Variants in NBEA observed in about 807,000 individuals in gnomAD.
NBEA encodes the protein lysosomal-trafficking regulator 2.
In NBEA, 44 loss-of-function variants were observed where a neutral mutation model predicts 343.4. The ratio of observed to expected loss-of-function variants is 0.13; its 90% CI spans 0.10 to 0.16. The LOEUF is 0.16. NBEA is among the 10% of genes least tolerant of loss of function. The pLI is 1.00. For missense variants in NBEA, 2,555 were observed against 3,631.3 expected (o/e 0.70, Z 7.62); for synonymous variants, 1,175 against 1,238.7 (o/e 0.95, Z 1.08).
chr13:35,175,006 T>C (rs1471184397), intron 27 of NBEA, among the ~76,000 whole-genome samples: 1 of 151,978 alleles, frequency 6.6e-6, no homozygotes, highest in African/African-American at 2.4e-5. Flanking sequence ...TTGGCCAGGA[T>C]GGTCTAGATC....
chr13:35,205,522 C>T (rs1281966430), intron 31 of NBEA, among the ~76,000 whole-genome samples: 1 of 152,086 alleles, frequency 6.6e-6, no homozygotes. Flanking sequence ...TTCAGCCTTT[C>T]CTCATATGAC....
At chr13:35,293,568 A>T (rs2035932486) in intron 35 of NBEA, among the ~76,000 whole-genome samples, 1 of 152,042 alleles carries the variant, frequency 6.6e-6, no homozygotes, top group Admixed American at 6.6e-5. Flanking sequence ...AGTATATCAC[A>T]GGTCTGATAC....
At chr13:35,642,642 A>G (rs1020478574) in intron 49 of NBEA, among the ~76,000 whole-genome samples, 3 of 152,224 alleles carry the variant, frequency 2.0e-5, no homozygotes, top group Admixed American at 1.3e-4. Flanking sequence ...GGCAGTGCCC[A>G]GGTCATGTGA....
intron 23 of NBEA, among the ~76,000 whole-genome samples, chr13:35,162,636 C>G (rs1441629665): frequency 6.6e-6 from 1 of 151,822 alleles, no homozygotes; most frequent in Non-Finnish European, 1.5e-5. Context: ...TTAAAGGAAG[C>G]CCGTCAAGAA....
At chr13:35,334,427 G>A (rs570977087) in intron 36 of NBEA, among the ~76,000 whole-genome samples, 2 of 152,128 alleles carry the variant, frequency 1.3e-5, no homozygotes, top group East Asian at 1.9e-4. Context: ...CCACTACCAC[G>A]CCCAGCTAAT....
At chr13:35,665,240 A>G in intron 56 of NBEA, 54 bp downstream of exon 56, 4 of 1,374,908 alleles carry the variant, frequency 2.9e-6, no homozygotes, top group Non-Finnish European at 3.0e-6. Flanking sequence ...GTTTTCTCAC[A>G]CTAAGCGTGA....
chr13:35,403,314 A>T (rs1375141043), intron 38 of NBEA, among the ~76,000 whole-genome samples: 1 of 152,096 alleles, frequency 6.6e-6, no homozygotes, highest in Non-Finnish European at 1.5e-5. Flanking sequence ...TAAGTACTAT[A>T]GGGTTGCAAA....
At chr13:35,532,017 G>C (rs1205650912) in intron 41 of NBEA, among the ~76,000 whole-genome samples, 1 of 152,190 alleles carries the variant, frequency 6.6e-6, no homozygotes, top group Non-Finnish European at 1.5e-5. Flanking sequence ...TATGCTGTCT[G>C]TTGGACTTTG....
At chr13:35,445,792 A>ATATATATATATATATATATG (rs2045980673) in intron 39 of NBEA, among the ~76,000 whole-genome samples, 4 of 78,222 alleles carry the variant, frequency 5.1e-5, no homozygotes, top group African/African-American at 1.4e-4. Context: ...TTATATATAT[A>ATATATATATATATATATATG]TATATATATA....
At chr13:35,616,359 CT>C (rs1177233459) in intron 48 of NBEA, among the ~76,000 whole-genome samples, 2 of 152,116 alleles carry the variant, frequency 1.3e-5, no homozygotes, top group Admixed American at 6.5e-5. Context: ...TATAAAGAAA[CT>C]TTGGAATATC....
At chr13:35,651,593 C>T (rs77588721) in intron 52 of NBEA, among the ~76,000 whole-genome samples, 29 of 152,024 alleles carry the variant, frequency 1.9e-4, no homozygotes, top group African/African-American at 7.0e-4. Context: ...CAAAACTCTT[C>T]CCAGCCTTGT....
chr13:35,312,509 C>G (rs2037436461), intron 36 of NBEA, among the ~76,000 whole-genome samples: 1 of 152,082 alleles, frequency 6.6e-6, no homozygotes, highest in Admixed American at 6.6e-5. Context: ...AGGTCATTGG[C>G]AAAGGTCATG....
chr13:35,530,666 G>A (rs544389318), intron 41 of NBEA, among the ~76,000 whole-genome samples: 3 of 152,100 alleles, frequency 2.0e-5, no homozygotes, highest in African/African-American at 2.4e-5. Context: ...AAGAACCACC[G>A]TTATTGAGGG....
chr13:35,551,347 TCA>T (rs2079314754), intron 43 of NBEA, among the ~76,000 whole-genome samples: 1 of 152,126 alleles, frequency 6.6e-6, no homozygotes, highest in Non-Finnish European at 1.5e-5. Flanking sequence ...AGCCTGAAGA[TCA>T]TAAATGATTA....
intron 18 of NBEA, among the ~76,000 whole-genome samples, chr13:35,146,396 T>C (rs2068425477): frequency 1.3e-5 from 2 of 152,130 alleles, no homozygotes; most frequent in Admixed American, 6.6e-5. Flanking sequence ...GGAATTAATA[T>C]TATTTCCTGC....
chr13:35,500,042 G>A (rs963638845), intron 41 of NBEA, among the ~76,000 whole-genome samples: 24 of 152,002 alleles, frequency 1.6e-4, no homozygotes, highest in African/African-American at 4.8e-4. Flanking sequence ...TGGGTCAAGC[G>A]TACTCTGAAG....
At chr13:35,570,892 A>G (rs1593251536) in intron 45 of NBEA, among the ~76,000 whole-genome samples, 1 of 152,228 alleles carries the variant, frequency 6.6e-6, no homozygotes, top group African/African-American at 2.4e-5. Context: ...ATATTATCAC[A>G]ATGAAGAGAT....
rs552362431 is a variant in NBEA, at chr13:35,276,092, G to T, written c.5777-14297G>T. On this transcript the variant is annotated intron_variant, in intron 34 of 58. Coordinates refer to ENST00000379939, the MANE Select transcript of NBEA (RefSeq NM_001385012.1). Reference sequence around the variant, plus strand: ...GCTGACTGAATACATGTAATTTTTAGTCAGTATAAGATGACTTTATCCCTT... The same window carrying T: ...GCTGACTGAATACATGTAATTTTTATTCAGTATAAGATGACTTTATCCCTT... Among the ~76,000 whole-genome samples the T allele has an allele frequency of 2.8e-3, 423 of 152,214 alleles. 2 individuals are homozygous for T. Among genetic ancestry groups the T allele is most frequent in the African/African-American group, 8.8e-3 (365 of 41,540 alleles).
At chr13:35,542,743 T>C (rs929554082) in intron 41 of NBEA, among the ~76,000 whole-genome samples, 3 of 152,120 alleles carry the variant, frequency 2.0e-5, no homozygotes, top group African/African-American at 7.2e-5. Context: ...TCCAGTATGT[T>C]CTAAATATTA....
Sources: gnomAD v4.1 joint callset for allele counts (sites outside exome capture counted in the v4.1 genomes callset) on GRCh38, gnomAD v4.1.1 for gene constraint, MANE v1.5 for transcripts, NCBI Gene and HGNC (gene_info 2026-07-23, HGNC 2026-07-21) for gene names.